Variants in PCDHA10 observed in about 807,000 individuals in gnomAD.
PCDHA10 encodes the protein protocadherin alpha-10.
A neutral mutation model predicts 61.2 loss-of-function variants in PCDHA10; 45 were observed. The ratio of observed to expected loss-of-function variants is 0.74; its 90% CI spans 0.58 to 0.94. The LOEUF (loss-of-function observed/expected upper bound fraction) is 0.94, where lower values mean the gene tolerates loss of function less well. PCDHA10 is among the 40% of genes least tolerant of loss of function. The pLI, the probability that PCDHA10 is intolerant of heterozygous loss-of-function variation, is 0.00. For missense variants in PCDHA10, 1,278 were observed against 1,236.2 expected (o/e 1.03, Z -0.51); for synonymous variants, 602 against 548.8 (o/e 1.10, Z -1.35).
chr5:140,927,974 T>C (rs1554205324), intron 1 of PCDHA10: 3 of 1,614,098 alleles, frequency 1.9e-6, no homozygotes, highest in Non-Finnish European at 2.5e-6. Context: ...GTGATTGCTC[T>C]CTTTAGTGTA....
At chr5:140,877,347 G>A (rs2057054618) in intron 1 of PCDHA10, 3 of 1,614,010 alleles carry the variant, frequency 1.9e-6, no homozygotes, top group Admixed American at 1.7e-5. Flanking sequence ...TCCACGTGGG[G>A]CTGTACACTG....
chr5:140,916,242 T>A (rs1554197354), intron 1 of PCDHA10, among the ~76,000 whole-genome samples: 1 of 152,208 alleles, frequency 6.6e-6, no homozygotes, highest in Non-Finnish European at 1.5e-5. Flanking sequence ...AGCCAAAGCC[T>A]GGACTTGGGG....
At chr5:140,930,208 A>G (rs939593947) in intron 1 of PCDHA10, 39 of 152,338 alleles carry the variant, frequency 2.6e-4, no homozygotes, top group African/African-American at 8.2e-4. Flanking sequence ...AGAAATATTT[A>G]TGTGTTCAAA....
chr5:140,862,997 G>T, intron 1 of PCDHA10: 1 of 549,924 alleles, frequency 1.8e-6, no homozygotes, highest in Non-Finnish European at 3.6e-6. Context: ...GCGCACGGTG[G>T]ACTCCAGCTA....
chr5:140,923,804 A>G (rs782008903), intron 1 of PCDHA10, among the ~76,000 whole-genome samples: 30 of 152,222 alleles, frequency 2.0e-4, no homozygotes, highest in Admixed American at 3.9e-4. Flanking sequence ...CACAAATGAA[A>G]TCTTCTGAAA....
intron 1 of PCDHA10, among the ~76,000 whole-genome samples, chr5:140,893,186 T>C (rs2063863300): frequency 6.6e-6 from 1 of 152,230 alleles, no homozygotes; most frequent in Admixed American, 6.5e-5. Context: ...GTAGCTATTG[T>C]GAATAGTGCT....
intron 1 of PCDHA10, chr5:140,928,071 C>CTACTACAGCCTGCTG: frequency 6.2e-7 from 1 of 1,614,220 alleles, no homozygotes; most frequent in South Asian, 1.1e-5. Context: ...CCTTTGACAA[C>CTACTACAGCCTGCTG]TACTACAGCC....
intron 3 of PCDHA10, among the ~76,000 whole-genome samples, chr5:140,996,686 T>G (rs1447702915): frequency 2.6e-5 from 4 of 152,214 alleles, no homozygotes; most frequent in Non-Finnish European, 5.9e-5. Flanking sequence ...TGGGCTAGTA[T>G]TCTTCTGAAC....
intron 1 of PCDHA10, among the ~76,000 whole-genome samples, chr5:140,892,640 T>C (rs1250881102): frequency 2.0e-5 from 3 of 152,208 alleles, no homozygotes; most frequent in Non-Finnish European, 4.4e-5. Flanking sequence ...ATTGTACATA[T>C]TTATAGGATA....
chr5:140,880,736 T>C (rs1554171410), intron 1 of PCDHA10, among the ~76,000 whole-genome samples: 4 of 152,068 alleles, frequency 2.6e-5, no homozygotes, highest in Non-Finnish European at 5.9e-5. Context: ...ATAGAGAAAA[T>C]GGATTGTCAG....
intron 1 of PCDHA10, among the ~76,000 whole-genome samples, chr5:140,874,129 G>A (rs1400596915): frequency 6.6e-6 from 1 of 151,518 alleles, no homozygotes; most frequent in African/African-American, 2.5e-5. Context: ...GTTTATTTAA[G>A]TTATCTTATA....
At chr5:140,968,210 A>T (rs376166734) in intron 1 of PCDHA10, 4 of 1,613,882 alleles carry the variant, frequency 2.5e-6, no homozygotes, top group Non-Finnish European at 3.4e-6. Flanking sequence ...ACAGGAGAAC[A>T]ATTTGCCAGG....
At chr5:140,893,219 G>C (rs1273209081) in intron 1 of PCDHA10, among the ~76,000 whole-genome samples, 1 of 152,194 alleles carries the variant, frequency 6.6e-6, no homozygotes, top group Non-Finnish European at 1.5e-5. Flanking sequence ...GGAGGTGCAG[G>C]TATCACTTTG....
At position 140,870,626 on chromosome 5, in the gene PCDHA10, C is replaced by T. The variant is rs782773688; in HGVS notation, c.2388+12190C>T. 61 of 1,612,898 alleles carry T rather than the reference C, an allele frequency of 3.8e-5. No homozygotes were observed. Among genetic ancestry groups the T allele is most frequent in the Non-Finnish European group, 5.0e-5 (59 of 1,179,802 alleles). Reference sequence around the variant, plus strand: ...GACCGCGCGCTGTCGAGCTACGTGTCGGTGCACGCGGAGAGCGGCAAGGTG... The same window carrying T: ...GACCGCGCGCTGTCGAGCTACGTGTTGGTGCACGCGGAGAGCGGCAAGGTG... On this transcript the variant is annotated intron_variant, in intron 1 of 3. Transcript: ENST00000307360.
At chr5:140,937,739 C>T (rs1563162684) in intron 1 of PCDHA10, among the ~76,000 whole-genome samples, 1 of 151,716 alleles carries the variant, frequency 6.6e-6, no homozygotes, top group African/African-American at 2.4e-5. Context: ...GGTGAAACCC[C>T]GTCTCTACTA....
intron 1 of PCDHA10, chr5:140,883,112 A>T (rs141106500): frequency 1.9e-6 from 3 of 1,614,156 alleles, no homozygotes; most frequent in Non-Finnish European, 2.5e-6. Context: ...TTACTCATTT[A>T]GAAGGCCTGT....
At chr5:140,982,159 G>A (rs1466298378) in intron 2 of PCDHA10, among the ~76,000 whole-genome samples, 1 of 152,262 alleles carries the variant, frequency 6.6e-6, no homozygotes, top group African/African-American at 2.4e-5. Flanking sequence ...GTATCGAGAT[G>A]TTAAAATGGC....
At chr5:140,876,510 T>C in intron 1 of PCDHA10, 1 of 1,614,038 alleles carries the variant, frequency 6.2e-7, no homozygotes, top group Non-Finnish European at 8.5e-7. Flanking sequence ...TGAATGACAA[T>C]GTCCCTGAAG....
chr5:140,967,251 CG>C, intron 1 of PCDHA10: 1 of 1,613,410 alleles, frequency 6.2e-7, no homozygotes, highest in Non-Finnish European at 8.5e-7. Flanking sequence ...GAATCGGTGG[CG>C]CCTGGAGCGC....
Sources: allele counts gnomAD v4.1 joint callset (sites outside exome capture counted in the v4.1 genomes callset), GRCh38; gene constraint gnomAD v4.1.1; transcripts MANE v1.5; gene names NCBI Gene and HGNC (gene_info 2026-07-23, HGNC 2026-07-21).